The following CMSS1 variants were observed in gnomAD, a reference collection of about 807,000 sequenced individuals.
The protein encoded by CMSS1 is protein CMSS1.
In CMSS1, 33 loss-of-function variants were observed where a neutral mutation model predicts 43.5. The ratio of observed to expected loss-of-function variants is 0.76; its 90% confidence interval spans 0.57 to 1.01. The LOEUF (loss-of-function observed/expected upper bound fraction) is 1.01, where lower values mean the gene tolerates loss of function less well. Ranked by LOEUF, CMSS1 falls within the 50% of genes least tolerant of loss-of-function variation. The pLI, the probability that CMSS1 is intolerant of heterozygous loss-of-function variation, is 0.00. For synonymous variants in CMSS1, 115 were observed against 117.2 expected (o/e 0.98, Z 0.12); for missense variants, 313 against 326.4 (o/e 0.96, Z 0.32).
chr3:100,055,797 T>G (rs2107329662), intron 1 of CMSS1, among the ~76,000 whole-genome samples: 1 of 152,348 alleles, frequency 6.6e-6, no homozygotes, highest in Middle Eastern at 3.4e-3. Flanking sequence ...TTCAGAAATT[T>G]TTTAATATTG....
At chr3:99,865,819 ATGT>A (rs1229097088) in intron 1 of CMSS1, among the ~76,000 whole-genome samples, 1 of 151,940 alleles carries the variant, frequency 6.6e-6, no homozygotes. Flanking sequence ...GAATATTTAT[ATGT>A]TTTTTTATTG....
intron 1 of CMSS1, among the ~76,000 whole-genome samples, chr3:100,060,209 A>G (rs1443206584): frequency 2.0e-5 from 3 of 152,136 alleles, no homozygotes; most frequent in East Asian, 1.9e-4. Context: ...AGGAGCCCCT[A>G]AAGATTTTTT....
At chr3:99,880,197 A>G (rs1194703239) in intron 1 of CMSS1, among the ~76,000 whole-genome samples, 3 of 152,104 alleles carry the variant, frequency 2.0e-5, no homozygotes, top group African/African-American at 7.2e-5. Context: ...TGCCCTAGAC[A>G]ATCATTTTTC....
intron 1 of CMSS1, among the ~76,000 whole-genome samples, chr3:99,912,635 C>T (rs1392058279): frequency 1.3e-5 from 2 of 152,302 alleles, no homozygotes; most frequent in East Asian, 3.9e-4. Flanking sequence ...GCCTCAGCCT[C>T]CCAAAGTGCT....
intron 1 of CMSS1, among the ~76,000 whole-genome samples, chr3:99,983,385 A>AATAC (rs756125109): frequency 1.2e-5 from 1 of 84,076 alleles, no homozygotes; most frequent in African/African-American, 6.4e-5. Flanking sequence ...AAAATAAATA[A>AATAC]ATAAATATAT....
chr3:99,948,469 A>C (rs1356703376), intron 1 of CMSS1, among the ~76,000 whole-genome samples: 1 of 151,062 alleles, frequency 6.6e-6, no homozygotes, highest in Non-Finnish European at 1.5e-5. Context: ...ACCTAAGTCC[A>C]AGAATTGGAG....
intron 1 of CMSS1, among the ~76,000 whole-genome samples, chr3:99,920,515 A>G (rs1164097069): frequency 1.3e-5 from 2 of 152,244 alleles, no homozygotes; most frequent in African/African-American, 4.8e-5. Context: ...TGACACACGT[A>G]TCCACATGTT....
intron 1 of CMSS1, among the ~76,000 whole-genome samples, chr3:99,967,226 C>A (rs774261629): frequency 3.3e-5 from 5 of 152,168 alleles, no homozygotes; most frequent in Non-Finnish European, 7.4e-5. Context: ...AGCAAATCAG[C>A]TGATTTCTCT....
intron 1 of CMSS1, among the ~76,000 whole-genome samples, chr3:99,922,107 G>T (rs1443447924): frequency 6.6e-6 from 1 of 152,114 alleles, no homozygotes; most frequent in Non-Finnish European, 1.5e-5. Context: ...AAGCCCCCTG[G>T]GCAGGGACAG....
chr3:100,011,226 G>C (rs983667531), intron 1 of CMSS1, among the ~76,000 whole-genome samples: 2 of 152,094 alleles, frequency 1.3e-5, no homozygotes, highest in Non-Finnish European at 2.9e-5. Context: ...TAAAAGTGAG[G>C]TAGGTTATGA....
At position 99,915,196 on chromosome 3, in the gene CMSS1, G is replaced by A. The variant is rs182094674; in HGVS notation, c.64+97153G>A. Among the ~76,000 whole-genome samples, 21 of 152,138 alleles carry A rather than the reference G, an allele frequency of 1.4e-4. No individual in the cohort carries two copies. In the East Asian group the frequency reaches 1.9e-3, roughly 14 times the overall value. Reference sequence around the variant, plus strand: ...CCATTCTCCCATGACCATGCTAACCGAAGGGAATGAATCCAGAAGCTAATT... The same window carrying A: ...CCATTCTCCCATGACCATGCTAACCAAAGGGAATGAATCCAGAAGCTAATT... On this transcript the variant is annotated intron_variant, in intron 1 of 9. Transcript: ENST00000421999.
rs536236807 is a variant in CMSS1 at position 99,951,338 on chromosome 3, A to G, written c.64+133295A>G. 1.3e-4 allele frequency among the ~76,000 whole-genome samples: 20 copies of G among 152,040 alleles called. No homozygotes were observed. The South Asian group carries it at 4.2e-3, about 32-fold the overall frequency. On this transcript the variant is annotated intron_variant, in intron 1 of 9. Transcript: ENST00000421999. ...CTATATTATTATCTAAAGAATTTCAACCTCCCCCACTGAACCCTTAGTCCT... is the reference window on the plus strand; with the variant it reads ...CTATATTATTATCTAAAGAATTTCAGCCTCCCCCACTGAACCCTTAGTCCT...
At chr3:100,146,165 T>G (rs559465749) in intron 1 of CMSS1, among the ~76,000 whole-genome samples, 1 of 152,342 alleles carries the variant, frequency 6.6e-6, no homozygotes, top group Admixed American at 6.5e-5. Context: ...AGCGCGACAT[T>G]ATGGGAAATA....
chr3:99,976,749 C>CA (rs1385568608), intron 1 of CMSS1, among the ~76,000 whole-genome samples: 1 of 152,126 alleles, frequency 6.6e-6, no homozygotes, highest in Admixed American at 6.5e-5. Flanking sequence ...TTACCCTACT[C>CA]AGAGTTCTTC....
intron 1 of CMSS1, among the ~76,000 whole-genome samples, chr3:99,964,054 G>A (rs1348682792): frequency 6.6e-6 from 1 of 151,968 alleles, no homozygotes; most frequent in Non-Finnish European, 1.5e-5. Flanking sequence ...TTGAATATTT[G>A]AACATAATAA....
At chr3:100,054,070 A>G (rs2065420135) in intron 1 of CMSS1, among the ~76,000 whole-genome samples, 3 of 152,200 alleles carry the variant, frequency 2.0e-5, no homozygotes, top group African/African-American at 7.2e-5. Flanking sequence ...ATCTTTTACC[A>G]CTTGAGCTTC....
chr3:100,010,010 T>A (rs916680106), intron 1 of CMSS1: 7 of 163,434 alleles, frequency 4.3e-5, no homozygotes, highest in African/African-American at 1.7e-4. Flanking sequence ...ATAGTTTCTG[T>A]TTGTTTTGGA....
intron 1 of CMSS1, among the ~76,000 whole-genome samples, chr3:99,952,091 G>C (rs1708192630): frequency 1.3e-5 from 2 of 152,150 alleles, no homozygotes; most frequent in African/African-American, 4.8e-5. Context: ...AGCTGTTAAA[G>C]AGAATATATA....
chr3:99,994,554 A>G (rs141079328), intron 1 of CMSS1, among the ~76,000 whole-genome samples: 1 of 152,362 alleles, frequency 6.6e-6, no homozygotes, highest in East Asian at 1.9e-4. Flanking sequence ...CACAATGGAA[A>G]AAGGCTAGAA....
Sources: allele counts gnomAD v4.1 joint callset (sites outside exome capture counted in the v4.1 genomes callset), GRCh38; gene constraint gnomAD v4.1.1; transcripts MANE v1.5; gene names NCBI Gene and HGNC (gene_info 2026-07-23, HGNC 2026-07-21).